N4BP1: variants seen among roughly 807,000 people sequenced by gnomAD.
N4BP1 encodes NEDD4 binding protein 1.
A neutral mutation model predicts 70.9 loss-of-function variants in N4BP1; 21 were observed. The observed-to-expected ratio is 0.30, with a 90% confidence interval of 0.21 to 0.43. The LOEUF (loss-of-function observed/expected upper bound fraction) is 0.43. N4BP1 is among the 20% of genes least tolerant of loss of function. N4BP1 has a pLI of 1.00. For missense variants in N4BP1, 936 were observed against 1,069.4 expected (o/e 0.88, Z 1.74); for synonymous variants, 387 against 394.6 (o/e 0.98, Z 0.23).
chr16:48,564,748 A>T (rs1258962861), intron 1 of N4BP1, among the ~76,000 whole-genome samples: 4 of 152,212 alleles, frequency 2.6e-5, no homozygotes, highest in African/African-American at 9.7e-5. Flanking sequence ...TCAGCAAGTG[A>T]CATGAATCTG....
chr16:48,560,569 G>A (rs1963839115), intron 2 of N4BP1, 185 bp downstream of exon 2: 1 of 638,752 alleles, frequency 1.6e-6, no homozygotes, highest in African/African-American at 1.9e-5. Context: ...TAAAGTTCAT[G>A]AATCCAGAAG....
intron 1 of N4BP1, among the ~76,000 whole-genome samples, chr16:48,586,869 AT>A (rs56410518): frequency 9.3e-4 from 139 of 149,740 alleles, no homozygotes; most frequent in African/African-American, 2.8e-3. Context: ...AACTTTTAAC[AT>A]TTTTTTTTTT....
intron 6 of N4BP1, 53 bp from the exon 7 acceptor site, chr16:48,543,314 A>G (rs1346553243): frequency 8.7e-6 from 12 of 1,379,946 alleles, no homozygotes; most frequent in African/African-American, 1.5e-5. Context: ...ACAAAAAATC[A>G]TAGAGCTATT....
rs1190499266 is a variant in N4BP1, at chr16:48,605,393, TC to T, written c.198+4381del. On this transcript the variant is annotated intron_variant, in intron 1 of 6. Coordinates refer to ENST00000262384, the MANE Select transcript of N4BP1 (RefSeq NM_153029.4). Reference sequence around the variant, plus strand: ...TGAGATCCCCTCAACCTCATCCCTTTCCACCACTGCTTCACAGGGAGGGTCC... The same window carrying T: ...TGAGATCCCCTCAACCTCATCCCTTTCACCACTGCTTCACAGGGAGGGTCC... Among the ~76,000 whole-genome samples, 6 of 152,210 alleles carry T rather than the reference TC, an allele frequency of 3.9e-5. No homozygotes were observed. In the South Asian group the frequency reaches 1.2e-3, roughly 32 times the overall value.
At chr16:48,555,711 C>T (rs1002024708) in intron 2 of N4BP1, among the ~76,000 whole-genome samples, 4 of 151,936 alleles carry the variant, frequency 2.6e-5, no homozygotes, top group Admixed American at 2.6e-4. Context: ...ATAAATCATC[C>T]ATCACTCTAA....
intron 1 of N4BP1, among the ~76,000 whole-genome samples, chr16:48,564,581 A>G (rs2151090466): frequency 6.6e-6 from 1 of 152,314 alleles, no homozygotes; most frequent in South Asian, 2.1e-4. Context: ...ATAATTTCTT[A>G]AAATTGGGTA....
Position 48,605,228 on chromosome 16 carries a change from C to CT in N4BP1, c.198+4546dup, listed in dbSNP as rs780789104. Among the ~76,000 whole-genome samples the CT allele has an allele frequency of 6.2e-4, 95 of 152,254 alleles. No homozygotes were observed. In the Middle Eastern group the frequency reaches 0.027, roughly 44 times the overall value. On this transcript the variant is annotated intron_variant, in intron 1 of 6. Transcript: ENST00000262384. ...TGTAATTTTAGTAGAGACAGGGTTT[C>CT]TCCATGTTGGTGGGCTGGTCTCGAA...
chr16:48,596,648 C>T (rs1964418552), intron 1 of N4BP1, among the ~76,000 whole-genome samples: 2 of 152,224 alleles, frequency 1.3e-5, no homozygotes, highest in Non-Finnish European at 2.9e-5. Context: ...TCTAACCTTT[C>T]AGCTGTCCTT....
intron 2 of N4BP1, among the ~76,000 whole-genome samples, chr16:48,559,241 T>C (rs1323821888): frequency 1.3e-5 from 2 of 152,182 alleles, no homozygotes; most frequent in Non-Finnish European, 2.9e-5. Flanking sequence ...TATAAACATA[T>C]ATTTCAAAAA....
At chr16:48,608,062 T>C (rs1964611182) in intron 1 of N4BP1, among the ~76,000 whole-genome samples, 1 of 152,152 alleles carries the variant, frequency 6.6e-6, no homozygotes, top group Non-Finnish European at 1.5e-5. Flanking sequence ...GCCACTGCAC[T>C]CCAGTGTGGG....
chr16:48,609,243 A>G (rs532500040), intron 1 of N4BP1, among the ~76,000 whole-genome samples: 26 of 152,128 alleles, frequency 1.7e-4, no homozygotes, highest in African/African-American at 5.1e-4. Context: ...GTAAACATAA[A>G]TCCTTTCTTT....
At chr16:48,586,891 C>T (rs1964253955) in intron 1 of N4BP1, among the ~76,000 whole-genome samples, 1 of 151,882 alleles carries the variant, frequency 6.6e-6, no homozygotes, top group Admixed American at 6.6e-5. Flanking sequence ...AGAGACTACA[C>T]ACTTTACAAG....
chr16:48,595,365 G>A (rs530136084), intron 1 of N4BP1, among the ~76,000 whole-genome samples: 125 of 141,310 alleles, frequency 8.8e-4, no homozygotes, highest in Non-Finnish European at 1.6e-3. Context: ...AGGGAGGCAG[G>A]AGAATTGCTT....
intron 2 of N4BP1, among the ~76,000 whole-genome samples, chr16:48,554,675 C>T (rs190754941): frequency 2.6e-5 from 4 of 152,302 alleles, no homozygotes; most frequent in Admixed American, 2.0e-4. Context: ...ACAATACTCC[C>T]TGCATCTTCA....
intron 1 of N4BP1, among the ~76,000 whole-genome samples, chr16:48,604,801 A>G (rs1396753490): frequency 6.6e-6 from 1 of 152,162 alleles, no homozygotes; most frequent in East Asian, 1.9e-4. Flanking sequence ...AATATTTTAT[A>G]TAATTAAATC....
chr16:48,599,180 C>G (rs1567446126), intron 1 of N4BP1, among the ~76,000 whole-genome samples: 1 of 152,098 alleles, frequency 6.6e-6, no homozygotes, highest in Non-Finnish European at 1.5e-5. Context: ...CCAGTAACAC[C>G]TCGATTCCCA....
At chr16:48,560,116 A>G (rs963610729) in intron 2 of N4BP1, among the ~76,000 whole-genome samples, 5 of 152,152 alleles carry the variant, frequency 3.3e-5, no homozygotes, top group African/African-American at 1.2e-4. Context: ...AAAAAACCCA[A>G]GCGTACAGGT....
intron 1 of N4BP1, among the ~76,000 whole-genome samples, chr16:48,608,789 A>T (rs1161931424): frequency 1.3e-5 from 2 of 148,276 alleles, no homozygotes; most frequent in Admixed American, 1.3e-4. Flanking sequence ...GGTGGTGGGG[A>T]GGATAAAATC....
In N4BP1 at chr16:48,542,751, C is replaced by T; in HGVS notation, c.*153G>A. The T allele has an allele frequency of 1.6e-6, 1 of 621,384 alleles. No individual in the cohort carries two copies. The highest frequency in any genetic ancestry group is 1.9e-5 in the African/African-American group (1 of 53,526). 38.5% of individuals were successfully genotyped at this position (621,384 alleles called of 1,614,324 possible). On this transcript the variant is annotated 3_prime_UTR_variant, in exon 7 of 7. Transcript: ENST00000262384. ...ATAGAAAAAAGCTGGTTTTGAAAAC[C>T]CAGATTTATACCCAAAACATTTTTT... is the stretch of plus-strand genomic sequence containing the variant.
Sources: allele counts gnomAD v4.1 joint callset (sites outside exome capture counted in the v4.1 genomes callset), GRCh38; gene constraint gnomAD v4.1.1; transcripts MANE v1.5; gene names NCBI Gene and HGNC (gene_info 2026-07-23, HGNC 2026-07-21).